Variants in SDK2 observed in about 807,000 individuals in gnomAD.
SDK2 encodes protein sidekick-2.
SDK2 carries 105 observed loss-of-function variants against 253.9 expected under a neutral mutation model. The observed-to-expected ratio is 0.41, with a 90% CI of 0.35 to 0.49. The LOEUF (loss-of-function observed/expected upper bound fraction) is 0.49, where lower values mean the gene tolerates loss of function less well. Among genes scored for constraint, SDK2 ranks in the 20% least tolerant of loss-of-function variants. SDK2 has a pLI of 0.06. For synonymous variants in SDK2, 1,249 were observed against 1,234.9 expected (o/e 1.01, Z -0.24); for missense variants, 2,608 against 3,003.0 (o/e 0.87, Z 3.07).
intron 15 of SDK2, 122 bp from the exon 16 acceptor site, chr17:73,419,428 A>C (rs1027303885): frequency 9.2e-7 from 1 of 1,081,298 alleles, no homozygotes; most frequent in African/African-American, 1.6e-5. Context: ...TGCTGTGTGC[A>C]TCTGGGCAAG....
intron 2 of SDK2, among the ~76,000 whole-genome samples, chr17:73,483,094 C>T (rs2063736915): frequency 6.6e-6 from 1 of 151,834 alleles, no homozygotes; most frequent in Admixed American, 6.6e-5. Context: ...ACCTGCCCGC[C>T]CTGACCCGTC....
intron 1 of SDK2, among the ~76,000 whole-genome samples, chr17:73,567,911 G>T (rs2045332263): frequency 6.6e-6 from 1 of 152,220 alleles, no homozygotes; most frequent in South Asian, 2.1e-4. Flanking sequence ...CTTGCCTTGA[G>T]TCTCAAATGA....
intron 2 of SDK2, among the ~76,000 whole-genome samples, chr17:73,480,334 A>G (rs112246566): frequency 2.6e-5 from 4 of 152,346 alleles, no homozygotes; most frequent in African/African-American, 9.6e-5. Context: ...CCTGCTTCAC[A>G]TAGACAGAGG....
chr17:73,398,518 A>G, intron 22 of SDK2, 89 bp from the exon 23 acceptor site: 1 of 1,167,862 alleles, frequency 8.6e-7, no homozygotes, highest in Non-Finnish European at 1.2e-6. Flanking sequence ...CCAGGGAAGA[A>G]GTTGGTTCAG....
At chr17:73,484,774 C>T (rs1654193810) in intron 2 of SDK2, among the ~76,000 whole-genome samples, 1 of 152,240 alleles carries the variant, frequency 6.6e-6, no homozygotes. Flanking sequence ...CAATCTCTGC[C>T]TCTGCCTTTA....
At chr17:73,354,544 G>A (rs887041924) in intron 40 of SDK2, among the ~76,000 whole-genome samples, 12 of 152,254 alleles carry the variant, frequency 7.9e-5, no homozygotes, top group Middle Eastern at 3.4e-3. Context: ...GTGGCAGTGC[G>A]GGGCTGATTT....
intron 1 of SDK2, among the ~76,000 whole-genome samples, chr17:73,638,872 C>T (rs1014993289): frequency 2.7e-5 from 4 of 149,090 alleles, no homozygotes; most frequent in African/African-American, 7.5e-5. Context: ...TACAGTGGCA[C>T]GATCTCAGCT....
chr17:73,398,180 C>A lies in SDK2; in HGVS notation c.3209G>T (p.Arg1070Leu). The A allele has an allele frequency of 6.2e-7, 1 of 1,611,408 alleles. No individual in the cohort carries two copies. The highest frequency in any genetic ancestry group is 8.5e-7 in the Non-Finnish European group (1 of 1,178,710). ...DLNPFTCYSF[R>L]MRQVNIVGTS... ...GCCCACGATGTTCACCTGGCGCATGCGGAAGCTGGGGTTGGGGAGAGATGA... is the reference window on the plus strand; with the variant it reads ...GCCCACGATGTTCACCTGGCGCATGAGGAAGCTGGGGTTGGGGAGAGATGA... Residue 1070 changes from arginine (R) to leucine (L), a missense_variant, in exon 24 of 45, where the codon CGC becomes CTC. Physicochemically the swap from Arg to Leu is moderately radical, Grantham distance 102. Around this residue, in one of 2 missense-constraint regions of SDK2, gnomAD observed 1,505 missense variants for 1,859.1 expected, o/e 0.81. Transcript: ENST00000392650.
At chr17:73,355,172 A>ATCTTTTTTTT (rs1450719562) in intron 40 of SDK2, among the ~76,000 whole-genome samples, 1 of 23,322 alleles carries the variant, frequency 4.3e-5, no homozygotes, top group Non-Finnish European at 7.1e-5. Flanking sequence ...ATATATATAT[A>ATCTTTTTTTT]TATTTTTTTT....
chr17:73,627,321 G>A (rs1010717394), intron 1 of SDK2, among the ~76,000 whole-genome samples: 16 of 151,806 alleles, frequency 1.1e-4, no homozygotes, highest in Non-Finnish European at 4.4e-5. Flanking sequence ...CTTTCTTGGC[G>A]GCACATAAAA....
At position 73,605,810 on chromosome 17, in the gene SDK2, C is replaced by T. The variant is rs547526023; in HGVS notation, c.64+38215G>A. On this transcript the variant is annotated intron_variant, in intron 1 of 44. Coordinates refer to ENST00000392650, the MANE Select transcript of SDK2 (RefSeq NM_001144952.2). The stretch of plus-strand genomic sequence containing the variant: ...CCAGCCCTTTGTGGCACGCTCAGCA[C>T]GTAATAAGCGCTCAAAATGCTTGCT... Among the ~76,000 whole-genome samples the T allele has an allele frequency of 1.2e-4, 19 of 152,256 alleles. No individual in the cohort carries two copies. The South Asian group carries it at 3.1e-3, about 25-fold the overall frequency.
At chr17:73,638,099 G>A (rs1378934468) in intron 1 of SDK2, among the ~76,000 whole-genome samples, 1 of 152,228 alleles carries the variant, frequency 6.6e-6, no homozygotes, top group African/African-American at 2.4e-5. Context: ...TGTGCTGGAT[G>A]TACAGAGACG....
Position 73,348,597 on chromosome 17 carries a change from A to G in SDK2, c.6165+2T>C. 1 of 1,612,134 alleles carries G rather than the reference A, an allele frequency of 6.2e-7. No individual in the cohort carries two copies. The highest frequency in any genetic ancestry group is 8.5e-7 in the Non-Finnish European group (1 of 1,179,502). On this transcript the variant is annotated splice_donor_variant, in intron 44 of 44. Coordinates refer to ENST00000392650, the MANE Select transcript of SDK2 (RefSeq NM_001144952.2). LOFTEE classifies it high-confidence loss of function. ...CAGGACACCTGGCCCTCCTGCCCTCACCTGAGAGTCGGAGATTTCTGAGGG... is the reference window on the plus strand; with the variant it reads ...CAGGACACCTGGCCCTCCTGCCCTCGCCTGAGAGTCGGAGATTTCTGAGGG...
chr17:73,606,974 C>A (rs1193350028), intron 1 of SDK2, among the ~76,000 whole-genome samples: 1 of 152,144 alleles, frequency 6.6e-6, no homozygotes, highest in Non-Finnish European at 1.5e-5. Flanking sequence ...GCCCAAGAGC[C>A]AATGCTTCTT....
At position 73,566,319 on chromosome 17, in the gene SDK2, A is replaced by ATGTGTGTGTGTGTGTGTGTGTG. The variant is rs55940592; in HGVS notation, c.65-58744_65-58723dup. Among the ~76,000 whole-genome samples, 142 of 139,408 alleles carry ATGTGTGTGTGTGTGTGTGTGTG rather than the reference A, an allele frequency of 1.0e-3. 1 individual carries two copies. Among genetic ancestry groups the ATGTGTGTGTGTGTGTGTGTGTG allele is most frequent in the African/African-American group, 3.7e-3 (134 of 36,180 alleles). The allele number at this position is 139,408 out of a possible 152,430, so 91.5% of individuals were successfully genotyped here. On this transcript the variant is annotated intron_variant, in intron 1 of 44. Transcript: ENST00000392650. ...AGCCAAATAAAATTCTTATATATATATGTGTGTGTGTGTGTGTGTGTGTGT... is the reference window on the plus strand; with the variant it reads ...AGCCAAATAAAATTCTTATATATATATGTGTGTGTGTGTGTGTGTGTGTGTGTGTGTGTGTGTGTGTGTGTGT...
Position 73,361,899 on chromosome 17 carries a change from G to A in SDK2, c.5306-54C>T, listed in dbSNP as rs887530519. The A allele has an allele frequency of 7.9e-6, 12 of 1,511,914 alleles. No individual in the cohort carries two copies. In the African/African-American group the frequency reaches 1.7e-4, roughly 21 times the overall value. 93.7% of individuals were successfully genotyped at this position (1,511,914 alleles called of 1,614,324 possible). On this transcript the variant is annotated intron_variant, in intron 38 of 44. Transcript: ENST00000392650. This position sits in a 1 kb window ranked among gnomAD's most constrained non-coding sequence, Gnocchi z 4.1. ...GGCACAGGGCCCACCGAGGGCACTG[G>A]AGGCCATGGGGAAGGGGAAGCGGCC...
chr17:73,440,767 A>C, intron 6 of SDK2, 45 bp downstream of exon 6: 1 of 1,385,310 alleles, frequency 7.2e-7, no homozygotes, highest in Non-Finnish European at 1.0e-6. Flanking sequence ...TGGGAGCAGC[A>C]GCTGGAGTTA....
chr17:73,577,680 C>T (rs947906769), intron 1 of SDK2, among the ~76,000 whole-genome samples: 1 of 152,200 alleles, frequency 6.6e-6, no homozygotes, highest in African/African-American at 2.4e-5. Context: ...CTGCTCCTCC[C>T]TTATGAGCTT....
At chr17:73,397,638 C>G (rs1400102665) in intron 24 of SDK2, among the ~76,000 whole-genome samples, 3 of 152,182 alleles carry the variant, frequency 2.0e-5, no homozygotes, top group African/African-American at 7.2e-5. Flanking sequence ...TGGGGACACT[C>G]TCTGAATGCC....
Sources: gnomAD v4.1 joint callset for allele counts (sites outside exome capture counted in the v4.1 genomes callset) on GRCh38, gnomAD v4.1.1 for gene constraint, gnomAD v4.1.1 regional missense constraint, Gnocchi (gnomAD v3.1) non-coding constraint, MANE v1.5 for transcripts, NCBI Gene and HGNC (gene_info 2026-07-23, HGNC 2026-07-21) for gene names.